Variants in RREB1 observed in about 807,000 individuals in gnomAD.
The protein encoded by RREB1 is ras-responsive element-binding protein 1.
In RREB1, 27 loss-of-function variants were observed where a neutral mutation model predicts 117.8. The observed-to-expected ratio is 0.23, with a 90% CI of 0.17 to 0.32. The LOEUF (loss-of-function observed/expected upper bound fraction) is 0.32, where lower values mean the gene tolerates loss of function less well. Ranked by LOEUF, RREB1 falls within the 10% of genes least tolerant of loss-of-function variation. The pLI is 1.00. For synonymous variants in RREB1, 1,298 were observed against 1,026.7 expected (o/e 1.26, Z -5.05); for missense variants, 2,577 against 2,378.2 (o/e 1.08, Z -1.74).
chr6:7,176,357 C>G (rs369162681), intron 1 of RREB1, among the ~76,000 whole-genome samples: 106 of 152,318 alleles, frequency 7.0e-4, no homozygotes, highest in African/African-American at 2.3e-3. Context: ...GAAGCTCCCC[C>G]CCGGAGCCAG....
intron 8 of RREB1, 24 bp from the exon 9 acceptor site, chr6:7,226,443 T>C: frequency 6.3e-7 from 1 of 1,584,624 alleles, no homozygotes; most frequent in South Asian, 1.1e-5. Context: ...TTCTGCCTCA[T>C]ATGTTCTCCC....
chr6:7,165,340 A>G (rs1162405878), intron 1 of RREB1, among the ~76,000 whole-genome samples: 2 of 152,244 alleles, frequency 1.3e-5, no homozygotes, highest in Non-Finnish European at 1.5e-5. Context: ...TTAAGGGAAG[A>G]TAAAAGGAAA....
intron 1 of RREB1, among the ~76,000 whole-genome samples, chr6:7,168,053 G>C (rs189841687): frequency 5.9e-4 from 90 of 152,098 alleles, no homozygotes; most frequent in Non-Finnish European, 1.0e-3. Flanking sequence ...TTGAGGTCAG[G>C]AGTTTGAGAC....
At chr6:7,126,329 C>A (rs1019442383) in intron 1 of RREB1, among the ~76,000 whole-genome samples, 3 of 150,852 alleles carry the variant, frequency 2.0e-5, no homozygotes, top group African/African-American at 2.4e-5. Flanking sequence ...TTCTTGTTGC[C>A]CAGGCTGGAG....
intron 1 of RREB1, among the ~76,000 whole-genome samples, chr6:7,160,328 GT>G (rs535947811): frequency 2.0e-5 from 3 of 151,650 alleles, no homozygotes; most frequent in African/African-American, 4.8e-5. Flanking sequence ...ATTATGTTAA[GT>G]TTTTTTAAAA....
rs779711778 is a variant in RREB1, at chr6:7,229,922, T to A, written c.1823T>A (p.Leu608Gln). Residue 608 changes from leucine (L) to glutamine (Q), a missense_variant, in exon 10 of 13, where the codon CTG becomes CAG. Transcript: ENST00000379938. The surrounding 1 kb of genome is among the most constrained non-coding windows in gnomAD (Gnocchi z 4.5). ...AGCATCATCGAGGCCCTGCTGCCGC[T>A]GAGCATGGAGGCCAAGATCAAGCAG... Reference protein sequence around the residue: ...QDSIIEALLPLSMEAKIKQEI... With the variant: ...QDSIIEALLPQSMEAKIKQEI... 6.3e-7 allele frequency: 1 copy of A among 1,599,414 alleles called. No individual in the cohort carries two copies. The highest frequency in any genetic ancestry group is 8.6e-7 in the Non-Finnish European group (1 of 1,169,310).
intron 1 of RREB1, among the ~76,000 whole-genome samples, chr6:7,109,228 G>GT (rs1446318786): frequency 6.6e-6 from 1 of 151,938 alleles, no homozygotes; most frequent in Non-Finnish European, 1.5e-5. Context: ...GTCTAGCTGG[G>GT]TGGGGGGAGG....
rs984940933 is a variant in RREB1 at position 7,132,771 on chromosome 6, A to G, written c.-285+24711A>G. On this transcript the variant is annotated intron_variant, in intron 1 of 12. Transcript: ENST00000379938. ...CTAAGTGATGGGATTGTAGAGTGTAATATAACACACTATAAATACCCCGTG... is the reference window on the plus strand; with the variant it reads ...CTAAGTGATGGGATTGTAGAGTGTAGTATAACACACTATAAATACCCCGTG... Among the ~76,000 whole-genome samples, 3 of 152,168 alleles carry G rather than the reference A, an allele frequency of 2.0e-5. No individual in the cohort carries two copies. The South Asian group carries it at 6.2e-4, about 32-fold the overall frequency.
chr6:7,124,772 C>A lies in RREB1; in HGVS notation c.-285+16712C>A, dbSNP rs138886391. On this transcript the variant is annotated intron_variant, in intron 1 of 12. Coordinates refer to ENST00000379938, the MANE Select transcript of RREB1 (RefSeq NM_001003699.4). ...AATTCCTTTCATGCATCATCTCATT[C>A]ATTCATCACAACAATTCTCTGACCC... is the stretch of plus-strand genomic sequence containing the variant. 2.6e-5 allele frequency among the ~76,000 whole-genome samples: 4 copies of A among 152,336 alleles called. No individual in the cohort carries two copies. The East Asian group carries it at 7.7e-4, about 29-fold the overall frequency.
chr6:7,211,324 A>G (rs937179051), intron 7 of RREB1, among the ~76,000 whole-genome samples: 7 of 144,620 alleles, frequency 4.8e-5, no homozygotes, highest in African/African-American at 1.9e-4. Context: ...GGGTGGGTGG[A>G]TGGATGGATG....
At chr6:7,162,729 A>G (rs1196096701) in intron 1 of RREB1, among the ~76,000 whole-genome samples, 1 of 151,806 alleles carries the variant, frequency 6.6e-6, no homozygotes, top group Non-Finnish European at 1.5e-5. Flanking sequence ...GAGAATACCC[A>G]TTTTTCTCTG....
At chr6:7,134,756 C>G (rs1762282318) in intron 1 of RREB1, among the ~76,000 whole-genome samples, 1 of 152,114 alleles carries the variant, frequency 6.6e-6, no homozygotes, top group Non-Finnish European at 1.5e-5. Context: ...CTGGAGGGCC[C>G]CTGCCCTAGA....
intron 6 of RREB1, among the ~76,000 whole-genome samples, chr6:7,200,548 C>T (rs1030922765): frequency 8.5e-5 from 13 of 152,118 alleles, no homozygotes; most frequent in Non-Finnish European, 1.3e-4. Context: ...GGATTACAGG[C>T]GTGAGCCACC....
intron 1 of RREB1, among the ~76,000 whole-genome samples, chr6:7,124,292 G>T (rs941718808): frequency 6.6e-5 from 10 of 152,164 alleles, no homozygotes; most frequent in Admixed American, 5.9e-4. Flanking sequence ...TCAAGAAAAG[G>T]GGGGGAGTAT....
At chr6:7,120,931 C>T (rs1194920993) in intron 1 of RREB1, among the ~76,000 whole-genome samples, 1 of 151,536 alleles carries the variant, frequency 6.6e-6, no homozygotes, top group African/African-American at 2.4e-5. Flanking sequence ...GTGATTCTCC[C>T]TCCTGCCTCA....
intron 1 of RREB1, among the ~76,000 whole-genome samples, chr6:7,142,553 G>A (rs995777457): frequency 2.8e-4 from 42 of 152,382 alleles, no homozygotes; most frequent in African/African-American, 9.9e-4. Flanking sequence ...CAGGCGCCTT[G>A]CTGAGTGTGC....
chr6:7,211,934 C>G (rs1335533493), intron 8 of RREB1: 9 of 550,728 alleles, frequency 1.6e-5, no homozygotes, highest in Non-Finnish European at 2.9e-5. Context: ...TGCCTTCTTT[C>G]TCTCAGCAAA....
chr6:7,119,441 G>T (rs1304552499), intron 1 of RREB1, among the ~76,000 whole-genome samples: 1 of 152,216 alleles, frequency 6.6e-6, no homozygotes, highest in Non-Finnish European at 1.5e-5. Flanking sequence ...TTTGTGTGTG[G>T]GGGAGGAGTG....
At position 7,191,871 on chromosome 6, in the gene RREB1, A is replaced by T. The variant is rs114822034; in HGVS notation, c.425+2549A>T. Among the ~76,000 whole-genome samples, 609 of 152,186 alleles carry T rather than the reference A, an allele frequency of 4.0e-3. 3 individuals carry two copies. Among genetic ancestry groups the T allele is most frequent in the African/African-American group, 0.014 (578 of 41,518 alleles). Reference sequence around the variant, plus strand: ...TTCCTTATCCTATATCATGTCTGTTATTCATTTTCTCGCCTACTTGCCCTG... The same window carrying T: ...TTCCTTATCCTATATCATGTCTGTTTTTCATTTTCTCGCCTACTTGCCCTG... On this transcript the variant is annotated intron_variant, in intron 6 of 12. Coordinates refer to ENST00000379938, the MANE Select transcript of RREB1 (RefSeq NM_001003699.4).
Sources: gnomAD v4.1 joint callset for allele counts (sites outside exome capture counted in the v4.1 genomes callset) on GRCh38, gnomAD v4.1.1 for gene constraint, Gnocchi (gnomAD v3.1) non-coding constraint, MANE v1.5 for transcripts, NCBI Gene and HGNC (gene_info 2026-07-23, HGNC 2026-07-21) for gene names.